RC3H2: variants seen among roughly 807,000 people sequenced by gnomAD.
The protein encoded by RC3H2 is ring finger and CCCH-type domains 2.
In RC3H2, 31 loss-of-function variants were observed where a neutral mutation model predicts 133.3. The ratio of observed to expected loss-of-function variants is 0.23; its 90% CI spans 0.17 to 0.31. RC3H2 has a LOEUF of 0.31. RC3H2 is among the 10% of genes least tolerant of loss of function. The pLI is 1.00. For synonymous variants in RC3H2, 517 were observed against 502.2 expected (o/e 1.03, Z -0.40); for missense variants, 1,175 against 1,437.2 (o/e 0.82, Z 2.95).
rs1829895312 is a variant in RC3H2 at position 122,847,500 on chromosome 9, T to G, written c.*2127A>C. 1 of 152,158 alleles carries G rather than the reference T, an allele frequency of 6.6e-6. No homozygotes were observed. The highest frequency in any genetic ancestry group is 1.5e-5 in the Non-Finnish European group (1 of 67,968). 9.4% of individuals were successfully genotyped at this position (152,158 alleles called of 1,614,324 possible). A position where few individuals can be genotyped will look rare whatever the true frequency, so the allele number is the denominator to read the frequency against. ...TTAAATATCCATGAAATAGACAGAC[T>G]GGTTTGCATATCCTTTTTGGAATTA... On this transcript the variant is annotated 3_prime_UTR_variant, in exon 21 of 21. Transcript: ENST00000357244.
At chr9:122,883,132 T>C in intron 5 of RC3H2, 72 bp downstream of exon 5, 1 of 1,422,946 alleles carries the variant, frequency 7.0e-7, no homozygotes, top group Non-Finnish European at 9.7e-7. Context: ...GCCTCTAGAC[T>C]GGGTAACATG....
chr9:122,884,119 C>G (rs1302265205), intron 4 of RC3H2, among the ~76,000 whole-genome samples: 1 of 152,016 alleles, frequency 6.6e-6, no homozygotes, highest in Non-Finnish European at 1.5e-5. Context: ...ATGGTGAAAC[C>G]CCGCCTCTAC....
intron 2 of RC3H2, among the ~76,000 whole-genome samples, chr9:122,896,294 T>C (rs539063346): frequency 6.6e-6 from 1 of 152,284 alleles, no homozygotes; most frequent in East Asian, 1.9e-4. Flanking sequence ...CATCCCTACA[T>C]AGACCTTATT....
chr9:122,891,012 A>ATTTTTTTTTTTTTTTTTTTTTTTTTT (rs10571749), intron 3 of RC3H2, among the ~76,000 whole-genome samples: 1 of 72,824 alleles, frequency 1.4e-5, no homozygotes, highest in Non-Finnish European at 2.6e-5. Flanking sequence ...AATCTGCCCC[A>ATTTTTTTTTTTTTTTTTTTTTTTTTT]TTTTTTTTTT....
chr9:122,883,864 C>T (rs1461153339), intron 4 of RC3H2, among the ~76,000 whole-genome samples: 2 of 151,986 alleles, frequency 1.3e-5, no homozygotes, highest in African/African-American at 2.4e-5. Context: ...CATGGTGGCA[C>T]GTGCCTGTGG....
chr9:122,860,820 A>G (rs1830428706), intron 10 of RC3H2, among the ~76,000 whole-genome samples: 1 of 152,210 alleles, frequency 6.6e-6, no homozygotes, highest in South Asian at 2.1e-4. Context: ...CATTAGTGGA[A>G]CTATTTGAGA....
intron 9 of RC3H2, among the ~76,000 whole-genome samples, chr9:122,868,978 T>C (rs1830927082): frequency 6.8e-6 from 1 of 147,204 alleles, no homozygotes. Context: ...CTCGGCTCAC[T>C]GCAACCTCCG....
In RC3H2 at chr9:122,877,493, G is replaced by A. The variant is rs866115138; in HGVS notation, c.1303C>T (p.His435Tyr). 1 of 1,613,894 alleles carries A rather than the reference G, an allele frequency of 6.2e-7. No individual in the cohort carries two copies. Among genetic ancestry groups the A allele is most frequent in the Non-Finnish European group, 8.5e-7 (1 of 1,179,826 alleles). ...TACTTTTCAAGCTCTTCCTGAGAATGGGCAAATGTACAATTTGTTCCTCGT... is the reference window on the plus strand; with the variant it reads ...TACTTTTCAAGCTCTTCCTGAGAATAGGCAAATGTACAATTTGTTCCTCGT... The part of the protein sequence containing the change: ...CPRGTNCTFA[H>Y]SQEELEKYRL... The change falls in exon 9 of 21, where the codon CAT (histidine) becomes TAT (tyrosine). Residue 435 changes from histidine to tyrosine, a missense_variant. Transcript: ENST00000357244.
rs1336519765 is a variant in RC3H2 at position 122,844,827 on chromosome 9, T to C, written c.*4800A>G. On this transcript the variant is annotated 3_prime_UTR_variant, in exon 21 of 21. Coordinates refer to ENST00000357244, the MANE Select transcript of RC3H2 (RefSeq NM_001100588.3). ...CCTAGTCTTCCCCCATTTAATCCTA[T>C]TCCTATAGCACAAAGGGAAACATTA... The C allele has an allele frequency of 6.6e-6, 1 of 152,152 alleles. No individual in the cohort carries two copies. Among genetic ancestry groups the C allele is most frequent in the Non-Finnish European group, 1.5e-5 (1 of 68,034 alleles). 9.4% of individuals were successfully genotyped at this position (152,152 alleles called of 1,614,324 possible). A position where few individuals can be genotyped will look rare whatever the true frequency, so the allele number is the denominator to read the frequency against.
chr9:122,852,517 C>T (rs1306377863), intron 18 of RC3H2, among the ~76,000 whole-genome samples: 2 of 147,300 alleles, frequency 1.4e-5, no homozygotes, highest in African/African-American at 2.5e-5. Context: ...CCAGCCGCCC[C>T]GTCCGGGAGG....
At chr9:122,874,446 GTGACCAATAATTTT>G (rs1831246030) in intron 9 of RC3H2, 1 of 152,166 alleles carries the variant, frequency 6.6e-6, no homozygotes, top group East Asian at 1.9e-4. Flanking sequence ...CACTAAAAAT[GTGACCAATAATTTT>G]GCCATTATTA....
At position 122,849,491 on chromosome 9, in the gene RC3H2, T is replaced by C. The variant is rs1387715590; in HGVS notation, c.*136A>G. 1 of 264,468 alleles carries C rather than the reference T, an allele frequency of 3.8e-6. No individual in the cohort carries two copies. Among genetic ancestry groups the C allele is most frequent in the Non-Finnish European group, 6.6e-6 (1 of 152,018 alleles). 16.4% of individuals were successfully genotyped at this position (264,468 alleles called of 1,614,324 possible). On this transcript the variant is annotated 3_prime_UTR_variant, in exon 21 of 21. Coordinates refer to ENST00000357244, the MANE Select transcript of RC3H2 (RefSeq NM_001100588.3). Reference sequence around the variant, plus strand: ...CAAGAGGGCTTGAAGTATCAAAGAGTCCACAGGAAATGGATGCCCCCAGTA... The same window carrying C: ...CAAGAGGGCTTGAAGTATCAAAGAGCCCACAGGAAATGGATGCCCCCAGTA...
At chr9:122,905,072 C>G (rs914878480) in intron 1 of RC3H2, 38 bp downstream of exon 1, 2 of 984,922 alleles carry the variant, frequency 2.0e-6, no homozygotes, top group African/African-American at 3.5e-5. Flanking sequence ...GGCACCCGGG[C>G]TGGGGCCCGA....
chr9:122,860,127 T>G lies in RC3H2; in HGVS notation c.1639A>C (p.Ile547Leu). The change falls in exon 11 of 21, where the codon ATT becomes CTT. Residue 547 changes from isoleucine (I) to leucine (L), a missense_variant. Physicochemically the swap from Ile to Leu is conservative, Grantham distance 5. Around this residue, in one of 8 missense-constraint regions of RC3H2, gnomAD observed 490 missense variants for 492.8 expected, o/e 0.99. Coordinates refer to ENST00000357244, the MANE Select transcript of RC3H2 (RefSeq NM_001100588.3). ...PSADSVTENK[I>L]GSPPKTPVSN... ...ACAGGAGTCTTGGGTGGAGAACCAA[T>G]TTTACTGGAGAGAAAATTTAACAAA... The G allele has an allele frequency of 1.2e-6, 2 of 1,612,976 alleles. No homozygotes were observed. The highest frequency in any genetic ancestry group is 1.7e-6 in the Non-Finnish European group (2 of 1,179,004).
rs1175993071 is a variant in RC3H2, at chr9:122,845,215, A to G, written c.*4412T>C. The G allele has an allele frequency of 1.3e-5, 2 of 152,232 alleles. No individual in the cohort carries two copies. Among genetic ancestry groups the G allele is most frequent in the Non-Finnish European group, 2.9e-5 (2 of 68,042 alleles). The allele number at this position is 152,232 out of a possible 1,614,324, so 9.4% of individuals were successfully genotyped here. A position where few individuals can be genotyped will look rare whatever the true frequency, so the allele number is the denominator to read the frequency against. ...ATGTAATCAATGCAACAAGAAAAAC[A>G]TTTCTCTTTCACTTCCAGGGAAAAG... On this transcript the variant is annotated 3_prime_UTR_variant, in exon 21 of 21. Transcript: ENST00000357244.
intron 1 of RC3H2, among the ~76,000 whole-genome samples, chr9:122,902,072 G>C (rs1832677141): frequency 6.6e-6 from 1 of 151,982 alleles, no homozygotes; most frequent in Non-Finnish European, 1.5e-5. Context: ...TGGGATTACA[G>C]GCATGCGCCA....
At position 122,894,304 on chromosome 9, in the gene RC3H2, T is replaced by C. The variant is rs1832326396; in HGVS notation, c.232-1278A>G. ...GCAATTCAACAAATAATTATATTTA[T>C]GGAGTGCTTACCATGCACTGGACAC... On this transcript the variant is annotated intron_variant, in intron 2 of 20. Transcript: ENST00000357244. Among the ~76,000 whole-genome samples the C allele has an allele frequency of 2.0e-5, 3 of 152,130 alleles. No homozygotes were observed. The South Asian group carries it at 6.2e-4, about 32-fold the overall frequency.
At chr9:122,897,774 A>G in intron 1 of RC3H2, 198 bp from the exon 2 acceptor site, 1 of 399,362 alleles carries the variant, frequency 2.5e-6, no homozygotes, top group Non-Finnish European at 4.5e-6. Flanking sequence ...ATACCTTAAT[A>G]GTGTTCCTTT....
At chr9:122,896,839 A>G (rs1312147847) in intron 2 of RC3H2, among the ~76,000 whole-genome samples, 1 of 151,958 alleles carries the variant, frequency 6.6e-6, no homozygotes, top group Non-Finnish European at 1.5e-5. Flanking sequence ...CCTGGCCAAC[A>G]TAGTGAAACC....
Sources: gnomAD v4.1 joint callset for allele counts (sites outside exome capture counted in the v4.1 genomes callset) on GRCh38, gnomAD v4.1.1 for gene constraint, gnomAD v4.1.1 regional missense constraint, MANE v1.5 for transcripts, NCBI Gene and HGNC (gene_info 2026-07-23, HGNC 2026-07-21) for gene names.